Variants in PCGF5 observed in about 807,000 individuals in gnomAD.
The protein encoded by PCGF5 is polycomb group ring finger 5, also known as polycomb group RING finger protein 5.
In PCGF5, 9 loss-of-function variants were observed where a neutral mutation model predicts 44.3. The observed-to-expected ratio is 0.20, with a 90% confidence interval of 0.12 to 0.35. The LOEUF (loss-of-function observed/expected upper bound fraction) is 0.35. Ranked by LOEUF, PCGF5 falls within the 10% of genes least tolerant of loss-of-function variation. The pLI, the probability that PCGF5 is intolerant of heterozygous loss-of-function variation, is 1.00. For synonymous variants in PCGF5, 95 were observed against 102.5 expected (o/e 0.93, Z 0.44); for missense variants, 146 against 305.3 (o/e 0.48, Z 3.89).
chr10:91,243,232 C>T (rs1028919762), intron 3 of PCGF5, among the ~76,000 whole-genome samples: 2 of 152,140 alleles, frequency 1.3e-5, no homozygotes, highest in African/African-American at 4.8e-5. Flanking sequence ...ACCAAAGTTT[C>T]CTACAGCAGG....
At chr10:91,247,882 T>C (rs1201479111) in intron 3 of PCGF5, among the ~76,000 whole-genome samples, 2 of 152,154 alleles carry the variant, frequency 1.3e-5, no homozygotes, top group African/African-American at 4.8e-5. Flanking sequence ...GCATTTATTA[T>C]TCCTCCTGGT....
intron 6 of PCGF5, among the ~76,000 whole-genome samples, chr10:91,256,710 C>CAAAGGACCCA (rs1334875151): frequency 6.6e-6 from 1 of 152,028 alleles, no homozygotes; most frequent in African/African-American, 2.4e-5. Flanking sequence ...GACTCATGCA[C>CAAAGGACCCA]AAAGGACCCC....
intron 1 of PCGF5, among the ~76,000 whole-genome samples, chr10:91,213,905 T>G (rs1844497189): frequency 6.6e-6 from 1 of 152,234 alleles, no homozygotes; most frequent in African/African-American, 2.4e-5. Context: ...TGGTGAAGTC[T>G]TAGCCTCTGC....
At chr10:91,234,725 T>C (rs1201954380) in intron 2 of PCGF5, among the ~76,000 whole-genome samples, 4 of 152,254 alleles carry the variant, frequency 2.6e-5, no homozygotes, top group Admixed American at 6.5e-5. Flanking sequence ...TACCAGACAC[T>C]GTAAACCAGT....
intron 6 of PCGF5, among the ~76,000 whole-genome samples, chr10:91,252,806 C>T (rs995358679): frequency 3.3e-5 from 5 of 151,950 alleles, no homozygotes; most frequent in Non-Finnish European, 5.9e-5. Context: ...AACGTAAAGT[C>T]CACTTCTCTG....
intron 8 of PCGF5, among the ~76,000 whole-genome samples, chr10:91,269,755 C>T (rs1206031432): frequency 6.6e-6 from 1 of 152,068 alleles, no homozygotes; most frequent in Non-Finnish European, 1.5e-5. Flanking sequence ...TGACATCCTC[C>T]CCAACACTGC....
At chr10:91,264,653 G>A in intron 8 of PCGF5, 133 bp downstream of exon 8, 1 of 629,878 alleles carries the variant, frequency 1.6e-6, no homozygotes. Flanking sequence ...TCTTGCTACT[G>A]TTTCTCCTAG....
chr10:91,242,143 T>A lies in PCGF5; in HGVS notation c.209+1563T>A, dbSNP rs116550143. On this transcript the variant is annotated intron_variant, in intron 3 of 9. Transcript: ENST00000336126. Reference sequence around the variant, plus strand: ...TACATTTAGCAATATCTGGAGACATTTTTGGTTGTCAGATCTGGGTGGGTG... The same window carrying A: ...TACATTTAGCAATATCTGGAGACATATTTGGTTGTCAGATCTGGGTGGGTG... Among the ~76,000 whole-genome samples, 234 of 150,296 alleles carry A rather than the reference T, an allele frequency of 1.6e-3. 1 individual carries two copies. Among genetic ancestry groups the A allele is most frequent in the African/African-American group, 5.6e-3 (229 of 40,762 alleles).
upstream of PCGF5, among the ~76,000 whole-genome samples, chr10:91,217,478 C>A (rs1451766645): frequency 6.6e-6 from 1 of 152,104 alleles, no homozygotes; most frequent in Non-Finnish European, 1.5e-5. Context: ...AACTACCTAC[C>A]CACCCATTGC....
intron 6 of PCGF5, among the ~76,000 whole-genome samples, chr10:91,258,115 T>A (rs774212869): frequency 6.6e-6 from 1 of 152,078 alleles, no homozygotes; most frequent in Non-Finnish European, 1.5e-5. Context: ...CAAAGTAGAT[T>A]AGGGTTGTCA....
At chr10:91,230,491 A>G (rs147085242) in intron 2 of PCGF5, among the ~76,000 whole-genome samples, 7 of 152,302 alleles carry the variant, frequency 4.6e-5, no homozygotes, top group African/African-American at 1.7e-4. Flanking sequence ...GCGCAAAGCT[A>G]TATTTTCTCA....
At chr10:91,183,286 G>GTATA (rs141408031) in intron 1 of PCGF5, among the ~76,000 whole-genome samples, 1 of 151,968 alleles carries the variant, frequency 6.6e-6, no homozygotes, top group Admixed American at 6.6e-5. Flanking sequence ...CCTGTGTTGG[G>GTATA]TATATATATA....
intron 1 of PCGF5, among the ~76,000 whole-genome samples, chr10:91,181,514 T>C (rs959843366): frequency 6.6e-6 from 1 of 152,208 alleles, no homozygotes; most frequent in Admixed American, 6.5e-5. Flanking sequence ...ACTTTTATTA[T>C]TATTTTGAGG....
chr10:91,182,402 G>T (rs539323345), intron 1 of PCGF5, among the ~76,000 whole-genome samples: 1 of 152,068 alleles, frequency 6.6e-6, no homozygotes, highest in Non-Finnish European at 1.5e-5. Context: ...GTCAGTGGTA[G>T]TGCCCTCCTT....
intron 1 of PCGF5, among the ~76,000 whole-genome samples, chr10:91,189,133 C>T (rs1426138848): frequency 6.6e-6 from 1 of 152,230 alleles, no homozygotes; most frequent in African/African-American, 2.4e-5. Context: ...CTCATCTGTG[C>T]TTTTGCATAA....
chr10:91,192,305 T>C (rs1310257861), intron 1 of PCGF5, among the ~76,000 whole-genome samples: 3 of 152,240 alleles, frequency 2.0e-5, no homozygotes, highest in African/African-American at 7.2e-5. Context: ...GGTGTTTTGC[T>C]CGTATACCTG....
At chr10:91,200,122 C>T (rs12773770) in intron 1 of PCGF5, among the ~76,000 whole-genome samples, 23,085 of 152,202 alleles carry the variant, frequency 0.15, 2,324 homozygotes, top group East Asian at 0.42. Context: ...GCTAACTTCC[C>T]TGCATTTTTG....
Position 91,251,456 on chromosome 10 carries a change from C to A in PCGF5, c.474+16C>A, listed in dbSNP as rs1383950441. ...TGTAGTAAAGGTGAGTGAACAAGTA[C>A]TATGGTATTTTTATGATCAGTTTAT... is the stretch of plus-strand genomic sequence containing the variant. On this transcript the variant is annotated intron_variant, in intron 6 of 9. Transcript: ENST00000336126. 1 of 1,605,578 alleles carries A rather than the reference C, an allele frequency of 6.2e-7. No homozygotes were observed. The highest frequency in any genetic ancestry group is 8.5e-7 in the Non-Finnish European group (1 of 1,174,908).
intron 1 of PCGF5, among the ~76,000 whole-genome samples, chr10:91,191,732 G>A (rs188256273): frequency 1.0e-3 from 158 of 152,228 alleles, no homozygotes; most frequent in African/African-American, 3.4e-3. Flanking sequence ...CTTTGGGATT[G>A]TCCCCTGTCC....
Sources: gnomAD v4.1 joint callset for allele counts (sites outside exome capture counted in the v4.1 genomes callset) on GRCh38, gnomAD v4.1.1 for gene constraint, MANE v1.5 for transcripts, NCBI Gene and HGNC (gene_info 2026-07-23, HGNC 2026-07-21) for gene names.